CCDC191: variants seen among roughly 807,000 people sequenced by gnomAD.
CCDC191 encodes the protein coiled-coil domain containing 191.
CCDC191 carries 99 observed loss-of-function variants against 114.0 expected under a neutral mutation model. The ratio of observed to expected loss-of-function variants is 0.87; its 90% CI spans 0.74 to 1.03. CCDC191 has a LOEUF of 1.03. CCDC191 is among the 50% of genes least tolerant of loss of function. CCDC191 has a pLI of 0.00. For missense variants in CCDC191, 973 were observed against 1,087.0 expected, an observed-to-expected ratio of 0.90 and a Z score of 1.47; for synonymous variants, 351 against 376.0, an observed-to-expected ratio of 0.93 and a Z score of 0.77.
chr3:114,030,710 T>C (rs905458921), intron 7 of CCDC191, among the ~76,000 whole-genome samples: 4 of 152,190 alleles, frequency 2.6e-5, no homozygotes, highest in African/African-American at 4.8e-5. Flanking sequence ...CTTCATATGT[T>C]TGTTATCCGT....
At chr3:113,973,783 C>T (rs1414243130) in intron 16 of CCDC191, among the ~76,000 whole-genome samples, 1 of 151,866 alleles carries the variant, frequency 6.6e-6, no homozygotes, top group Non-Finnish European at 1.5e-5. Flanking sequence ...TAGGTCAAAT[C>T]TGTTTGGTTT....
chr3:113,991,764 T>A (rs932310262), intron 13 of CCDC191, among the ~76,000 whole-genome samples: 5 of 152,220 alleles, frequency 3.3e-5, no homozygotes, highest in Non-Finnish European at 5.9e-5. Context: ...CCTAGACTAT[T>A]CCAAATAATT....
chr3:114,037,658 G>A (rs2076504276), intron 4 of CCDC191, among the ~76,000 whole-genome samples: 1 of 151,990 alleles, frequency 6.6e-6, no homozygotes, highest in South Asian at 2.1e-4. Flanking sequence ...ATTGGTTCCA[G>A]GACCTCCCGA....
intron 13 of CCDC191, among the ~76,000 whole-genome samples, chr3:113,992,283 G>A (rs2075594126): frequency 6.6e-6 from 1 of 152,138 alleles, no homozygotes; most frequent in African/African-American, 2.4e-5. Context: ...AGAGGAGAGT[G>A]AGTAAGCATT....
chr3:114,053,544 G>T, intron 2 of CCDC191, 53 bp downstream of exon 2: 5 of 1,077,074 alleles, frequency 4.6e-6, no homozygotes, highest in South Asian at 1.5e-5. Context: ...TTTTCCATCT[G>T]ATTATGCTTG....
rs1157641974 is a variant in CCDC191 at position 114,052,044 on chromosome 3, A to C, written c.129+1553T>G. Among the ~76,000 whole-genome samples, 8 of 152,370 alleles carry C rather than the reference A, an allele frequency of 5.3e-5. No homozygotes were observed. The South Asian group carries it at 1.7e-3, about 32-fold the overall frequency. On this transcript the variant is annotated intron_variant, in intron 2 of 16. Coordinates refer to ENST00000295878, the MANE Select transcript of CCDC191 (RefSeq NM_020817.2). ...GTGGAATGGTAAGAAATTAGGACGC[A>C]GGAGAATAACTGTGGACACAAGAGG...
chr3:114,048,243 T>A (rs2076656548), intron 2 of CCDC191, among the ~76,000 whole-genome samples: 1 of 152,130 alleles, frequency 6.6e-6, no homozygotes, highest in Non-Finnish European at 1.5e-5. Flanking sequence ...ACCATGTTGG[T>A]CCAAAGCACA....
At position 113,978,605 on chromosome 3, in the gene CCDC191, T is replaced by C; in HGVS notation, c.2460+253A>G. The C allele has an allele frequency of 5.1e-6, 3 of 587,510 alleles. No individual in the cohort carries two copies. The East Asian group carries it at 8.6e-5, about 17-fold the overall frequency. The allele number at this position is 587,510 out of a possible 1,614,324, so 36.4% of individuals were successfully genotyped here. A position where few individuals can be genotyped will look rare whatever the true frequency, so the allele number is the denominator to read the frequency against. ...TGAGACAAGAAACAAGAAATGACTA[T>C]AAAAACAAAAGCTGATGGAATGATA... On this transcript the variant is annotated intron_variant, in intron 15 of 16. Coordinates refer to ENST00000295878, the MANE Select transcript of CCDC191 (RefSeq NM_020817.2).
chr3:114,049,365 G>A (rs2076671123), intron 2 of CCDC191, among the ~76,000 whole-genome samples: 2 of 152,170 alleles, frequency 1.3e-5, no homozygotes, highest in African/African-American at 4.8e-5. Flanking sequence ...ACAGAAAGAT[G>A]AATTTTGCAT....
rs143204325 is a variant in CCDC191, at chr3:114,018,323, ATATTTTATTT to A, written c.1163+345_1163+354del. Among the ~76,000 whole-genome samples the A allele has an allele frequency of 3.5e-3, 525 of 151,002 alleles. 3 individuals carry two copies. The highest frequency in any genetic ancestry group is 9.9e-3 in the South Asian group (47 of 4,746). On this transcript the variant is annotated intron_variant, in intron 8 of 16. Transcript: ENST00000295878. ...AAAGAAAGAAGATCATGTACAATGT[ATATTTTATTT>A]TATTTTATTTTATTTTATTTTATTG...
chr3:113,967,264 T>C (rs752329784), intron 16 of CCDC191, among the ~76,000 whole-genome samples: 4 of 152,156 alleles, frequency 2.6e-5, no homozygotes, highest in Non-Finnish European at 5.9e-5. Flanking sequence ...ACATCTCTCT[T>C]TTGGCTACAC....
rs1005944263 is a variant in CCDC191, at chr3:114,028,648, G to A, written c.972+2978C>T. Among the ~76,000 whole-genome samples the A allele has an allele frequency of 5.8e-4, 88 of 151,962 alleles. 1 individual carries two copies. The highest frequency in any genetic ancestry group is 2.1e-3 in the African/African-American group (85 of 41,440). On this transcript the variant is annotated intron_variant, in intron 7 of 16. Transcript: ENST00000295878. ...TAAGTAAATATAATAGAGATAATGA[G>A]AGCCAGGTTTCTCAGTGTCAGAGAA...
intron 16 of CCDC191, among the ~76,000 whole-genome samples, chr3:113,976,588 T>C (rs1336001757): frequency 6.7e-6 from 1 of 148,688 alleles, no homozygotes; most frequent in Non-Finnish European, 1.5e-5. Flanking sequence ...AAAGAAAACA[T>C]AGGCAGGCAA....
At chr3:113,992,814 C>A (rs1240855268) in intron 13 of CCDC191, among the ~76,000 whole-genome samples, 1 of 152,126 alleles carries the variant, frequency 6.6e-6, no homozygotes, top group Non-Finnish European at 1.5e-5. Context: ...TTTTATGAGG[C>A]CAGCATTCCC....
intron 2 of CCDC191, among the ~76,000 whole-genome samples, chr3:114,048,776 G>A (rs758467771): frequency 1.3e-5 from 2 of 152,076 alleles, no homozygotes; most frequent in Admixed American, 6.5e-5. Context: ...ATCACTTATT[G>A]TCTCCCTCAG....
intron 8 of CCDC191, among the ~76,000 whole-genome samples, chr3:114,018,040 T>C (rs1365613921): frequency 6.6e-6 from 1 of 152,170 alleles, no homozygotes; most frequent in Admixed American, 6.5e-5. Flanking sequence ...GAAGGAGCTG[T>C]TATAAAGGTG....
intron 11 of CCDC191, chr3:114,003,377 C>A (rs1469155401): frequency 1.0e-6 from 1 of 985,158 alleles, no homozygotes; most frequent in Non-Finnish European, 1.2e-6. Context: ...ACAAAAAACT[C>A]ACCAGGCTAT....
At chr3:113,986,514 AC>A (rs2075363457) in intron 13 of CCDC191, among the ~76,000 whole-genome samples, 1 of 152,178 alleles carries the variant, frequency 6.6e-6, no homozygotes, top group African/African-American at 2.4e-5. Flanking sequence ...AACCAACCAT[AC>A]CTAGATATAT....
chr3:114,030,895 G>A (rs2076395262), intron 7 of CCDC191, among the ~76,000 whole-genome samples: 1 of 152,050 alleles, frequency 6.6e-6, no homozygotes, highest in Admixed American at 6.6e-5. Flanking sequence ...GCCCTGGGGT[G>A]GGTGTTGTAG....
Sources: allele counts gnomAD v4.1 joint callset (sites outside exome capture counted in the v4.1 genomes callset), GRCh38; gene constraint gnomAD v4.1.1; transcripts MANE v1.5; gene names NCBI Gene and HGNC (gene_info 2026-07-23, HGNC 2026-07-21).